Variants in PLCZ1 observed in about 807,000 individuals in gnomAD.
The protein encoded by PLCZ1 is 1-phosphatidylinositol 4,5-bisphosphate phosphodiesterase zeta-1.
A neutral mutation model predicts 76.8 loss-of-function variants in PLCZ1; 64 were observed. The ratio of observed to expected loss-of-function variants is 0.83; its 90% CI spans 0.68 to 1.03. The LOEUF is 1.03. PLCZ1 is among the 50% of genes least tolerant of loss of function. The pLI is 0.00. For missense variants in PLCZ1, 751 were observed against 713.7 expected, an observed-to-expected ratio of 1.05 and a Z score of -0.60; for synonymous variants, 248 against 230.8, an observed-to-expected ratio of 1.07 and a Z score of -0.68.
chr12:18,684,140 G>A lies in PLCZ1; in HGVS notation c.1731C>T (p.Cys577=). 1.2e-6 allele frequency: 2 copies of A among 1,611,560 alleles called. No individual in the cohort carries two copies. Among genetic ancestry groups the A allele is most frequent in the South Asian group, 2.2e-5 (2 of 91,038 alleles). ...FLGQYTLPLL[C]MNKGYRRIPL... ...TTTTAGGGACATTACCTTTGTTCAT[G>A]CATAGAAGTGGCAAAGTATATTGCC... Residue 577 remains cysteine, a synonymous_variant, in exon 14 of 15, where the codon TGC becomes TGT. Transcript: ENST00000266505.
chr12:18,736,126 T>G, intron 3 of PLCZ1, 95 bp downstream of exon 3: 1 of 1,413,228 alleles, frequency 7.1e-7, no homozygotes, highest in Non-Finnish European at 9.7e-7. Context: ...ATTAATTGCT[T>G]TTCTTCTTAA....
downstream of PLCZ1, chr12:18,683,056 G>T: frequency 3.2e-6 from 2 of 624,014 alleles, no homozygotes; most frequent in Non-Finnish European, 5.6e-6. Flanking sequence ...AGGACCCTCT[G>T]AAGTTTCTAT....
chr12:18,730,929 A>T (rs1959012923), intron 3 of PLCZ1: 1 of 152,170 alleles, frequency 6.6e-6, no homozygotes, highest in South Asian at 2.1e-4. Flanking sequence ...ACATGTAAAG[A>T]TGTTCATAAA....
At chr12:18,692,850 TA>T in intron 12 of PLCZ1, 1 of 1,596,672 alleles carries the variant, frequency 6.3e-7, no homozygotes, top group African/African-American at 1.3e-5. Flanking sequence ...GAAAAAGAAA[TA>T]TGAACCTCCT....
At chr12:18,648,030 C>G in the PLCZ1 span, 1 of 1,577,294 alleles carries the variant, frequency 6.3e-7, no homozygotes, top group Non-Finnish European at 8.6e-7. Context: ...ATAATTTGAC[C>G]ATTGCTATGA....
chr12:18,732,415 G>C (rs1036205147), intron 3 of PLCZ1, among the ~76,000 whole-genome samples: 2 of 152,162 alleles, frequency 1.3e-5, no homozygotes, highest in African/African-American at 4.8e-5. Flanking sequence ...GCTTCACAAA[G>C]TGCTGGAATT....
the PLCZ1 span, among the ~76,000 whole-genome samples, chr12:18,677,660 A>C: frequency 6.6e-6 from 1 of 152,112 alleles, no homozygotes. Flanking sequence ...CACCAATTTC[A>C]TCAGAATCTC....
intron 3 of PLCZ1, among the ~76,000 whole-genome samples, chr12:18,725,571 C>G (rs1456505063): frequency 2.0e-5 from 3 of 151,990 alleles, no homozygotes; most frequent in Admixed American, 6.6e-5. Context: ...ATCTCAACTC[C>G]CTCTTAAAGT....
In PLCZ1 at chr12:18,693,964, G is replaced by T. The variant is rs562058585; in HGVS notation, c.1461+946C>A. The T allele has an allele frequency of 4.9e-5, 74 of 1,514,546 alleles. No homozygotes were observed. In the African/African-American group the frequency reaches 8.8e-4, roughly 18 times the overall value. The allele number at this position is 1,514,546 out of a possible 1,614,324, so 93.8% of individuals were successfully genotyped here. On this transcript the variant is annotated intron_variant, in intron 12 of 14. Coordinates refer to ENST00000266505, the MANE Select transcript of PLCZ1 (RefSeq NM_033123.4). ...ATGACCTCTCTGGTGCTGACATCAAGGCAGTCTGTACAGAAGCTGGTCTGA... is the reference window on the plus strand; with the variant it reads ...ATGACCTCTCTGGTGCTGACATCAATGCAGTCTGTACAGAAGCTGGTCTGA...
intron 3 of PLCZ1, among the ~76,000 whole-genome samples, chr12:18,726,519 A>G (rs910079970): frequency 2.0e-5 from 3 of 152,166 alleles, no homozygotes; most frequent in Non-Finnish European, 4.4e-5. Flanking sequence ...GAGGAGCTTA[A>G]TTACTATACG....
At chr12:18,657,192 G>A in the PLCZ1 span, among the ~76,000 whole-genome samples, 1 of 152,108 alleles carries the variant, frequency 6.6e-6, no homozygotes, top group Non-Finnish European at 1.5e-5. Flanking sequence ...CACTGCTGCT[G>A]GGGACAAGGA....
At chr12:18,728,848 T>C (rs560533474) in intron 3 of PLCZ1, among the ~76,000 whole-genome samples, 2 of 152,232 alleles carry the variant, frequency 1.3e-5, no homozygotes, top group African/African-American at 2.4e-5. Flanking sequence ...TGGTGCTATT[T>C]ATTTTTTAGA....
chr12:18,679,050 G>A (rs1255821542), downstream of PLCZ1, among the ~76,000 whole-genome samples: 1 of 152,038 alleles, frequency 6.6e-6, no homozygotes, highest in African/African-American at 2.4e-5. Context: ...ACTCATTATA[G>A]TGTTAAGTTG....
intron 5 of PLCZ1, 37 bp downstream of exon 5, chr12:18,719,393 AT>A (rs748563909): frequency 1.6e-6 from 2 of 1,245,162 alleles, no homozygotes; most frequent in South Asian, 4.3e-5. Context: ...ACTTCCAAGT[AT>A]TTTTAAATGT....
the PLCZ1 span, among the ~76,000 whole-genome samples, chr12:18,650,664 ATGTGTGTG>A: frequency 0.028 from 988 of 35,388 alleles, 54 homozygotes; most frequent in Middle Eastern, 0.042. Flanking sequence ...TGGAATATAA[ATGTGTGTG>A]TGTGTGTGTG....
the PLCZ1 span, among the ~76,000 whole-genome samples, chr12:18,661,245 AC>A: frequency 2.6e-5 from 4 of 152,270 alleles, no homozygotes; most frequent in African/African-American, 9.6e-5. Context: ...AAGAAATAGT[AC>A]CCCAAATATT....
Position 18,696,322 on chromosome 12 carries a change from C to CTATATATATATATA in PLCZ1, c.1175-70_1175-57dup, listed in dbSNP as rs71440372. Reference sequence around the variant, plus strand: ...GAATTCAAATAAATTTAAAAAGCCACTATATATATATATATATATATATAT... The same window carrying CTATATATATATATA: ...GAATTCAAATAAATTTAAAAAGCCACTATATATATATATATATATATATATATATATATATATAT... On this transcript the variant is annotated intron_variant, in intron 10 of 14. Coordinates refer to ENST00000266505, the MANE Select transcript of PLCZ1 (RefSeq NM_033123.4). 2.8e-3 allele frequency: 753 copies of CTATATATATATATA among 267,588 alleles called. 54 individuals carry two copies. The highest frequency in any genetic ancestry group is 0.028 in the African/African-American group (450 of 16,306). The allele number at this position is 267,588 out of a possible 1,614,324, so 16.6% of individuals were successfully genotyped here. A position where few individuals can be genotyped will look rare whatever the true frequency, so the allele number is the denominator to read the frequency against.
At chr12:18,667,238 T>C in the PLCZ1 span, among the ~76,000 whole-genome samples, 2 of 152,178 alleles carry the variant, frequency 1.3e-5, no homozygotes, top group African/African-American at 4.8e-5. Flanking sequence ...GTGAATATAC[T>C]ACTTCTTAGA....
intron 5 of PLCZ1, among the ~76,000 whole-genome samples, chr12:18,718,371 A>T (rs535485310): frequency 1.3e-5 from 2 of 152,172 alleles, no homozygotes; most frequent in South Asian, 4.2e-4. Context: ...TATTGAATAA[A>T]TCAAATTATG....
Sources: allele counts gnomAD v4.1 joint callset (sites outside exome capture counted in the v4.1 genomes callset), GRCh38; gene constraint gnomAD v4.1.1; transcripts MANE v1.5; gene names NCBI Gene and HGNC (gene_info 2026-07-23, HGNC 2026-07-21).